Variants in TENM4 observed in about 807,000 individuals in gnomAD.
The protein encoded by TENM4 is teneurin transmembrane protein 4, also known as teneurin-4.
In TENM4, 82 loss-of-function variants were observed where a neutral mutation model predicts 243.3. That is an observed-to-expected ratio of 0.34 (90% CI 0.28 to 0.40). The LOEUF (loss-of-function observed/expected upper bound fraction) is 0.40. Among genes scored for constraint, TENM4 ranks in the 10% least tolerant of loss-of-function variants. The pLI, the probability that TENM4 is intolerant of heterozygous loss-of-function variation, is 1.00. For synonymous variants in TENM4, 1,412 were observed against 1,456.3 expected, an observed-to-expected ratio of 0.97 and a Z score of 0.69; for missense variants, 3,138 against 3,673.3, an observed-to-expected ratio of 0.85 and a Z score of 3.77.
intron 4 of TENM4, among the ~76,000 whole-genome samples, chr11:79,144,565 T>C (rs371035256): frequency 1.5e-4 from 23 of 152,176 alleles, no homozygotes; most frequent in African/African-American, 5.5e-4. Context: ...AAAGAAAATA[T>C]GGAACATATT....
intron 1 of TENM4, among the ~76,000 whole-genome samples, chr11:79,395,262 G>A (rs920067287): frequency 3.9e-5 from 6 of 152,094 alleles, no homozygotes; most frequent in East Asian, 1.9e-4. Context: ...TCAGCAAGAC[G>A]CCTCTGGAAA....
intron 25 of TENM4, 75 bp downstream of exon 25, chr11:78,720,295 T>C (rs1590965745): frequency 5.8e-6 from 9 of 1,540,736 alleles, no homozygotes; most frequent in East Asian, 2.2e-5. Flanking sequence ...CCATTTGAAA[T>C]TGACATGTGC....
chr11:79,237,245 T>C (rs1864494123), intron 2 of TENM4, among the ~76,000 whole-genome samples: 2 of 152,168 alleles, frequency 1.3e-5, no homozygotes, highest in African/African-American at 4.8e-5. Flanking sequence ...AAGACCTGTA[T>C]TAACTGGATG....
At chr11:79,355,361 C>T (rs531969598) in intron 1 of TENM4, among the ~76,000 whole-genome samples, 14 of 152,258 alleles carry the variant, frequency 9.2e-5, no homozygotes, top group African/African-American at 2.2e-4. Flanking sequence ...GGTAAAACCT[C>T]GTCTCTACTA....
At chr11:78,924,544 G>A (rs1856515762) in intron 6 of TENM4, 2 of 152,166 alleles carry the variant, frequency 1.3e-5, no homozygotes, top group African/African-American at 4.8e-5. Context: ...TCCTCCACTA[G>A]AAAATGAAGG....
chr11:79,289,520 T>A (rs933108930), intron 2 of TENM4, among the ~76,000 whole-genome samples: 2 of 152,244 alleles, frequency 1.3e-5, no homozygotes, highest in African/African-American at 4.8e-5. Context: ...TGGCTCAATG[T>A]GAGACATCTG....
At chr11:79,411,383 A>AG (rs1191867152) in intron 1 of TENM4, among the ~76,000 whole-genome samples, 3 of 152,228 alleles carry the variant, frequency 2.0e-5, no homozygotes, top group African/African-American at 7.2e-5. Flanking sequence ...AAACTCTTCC[A>AG]GGGGGTATTA....
chr11:79,308,744 C>T (rs1856668288), intron 1 of TENM4, among the ~76,000 whole-genome samples: 1 of 152,164 alleles, frequency 6.6e-6, no homozygotes, highest in African/African-American at 2.4e-5. Flanking sequence ...CCTCCCAGGC[C>T]ATGCCACCCA....
At chr11:79,043,076 C>A (rs1043968628) in intron 6 of TENM4, among the ~76,000 whole-genome samples, 1 of 152,206 alleles carries the variant, frequency 6.6e-6, no homozygotes, top group Non-Finnish European at 1.5e-5. Flanking sequence ...AATCCCACCC[C>A]ACTCTGGGAT....
chr11:78,964,897 G>T (rs1857406251), intron 6 of TENM4, among the ~76,000 whole-genome samples: 1 of 151,500 alleles, frequency 6.6e-6, no homozygotes, highest in Admixed American at 6.6e-5. Context: ...TTTTTGACAG[G>T]GTCTCTGTCA....
chr11:78,897,632 A>G (rs1591110250), intron 7 of TENM4, among the ~76,000 whole-genome samples: 2 of 152,288 alleles, frequency 1.3e-5, no homozygotes. Flanking sequence ...GTCCTCATTC[A>G]TTTACAGGTC....
intron 9 of TENM4, among the ~76,000 whole-genome samples, chr11:78,882,024 A>C (rs996794055): frequency 6.6e-6 from 1 of 152,210 alleles, no homozygotes; most frequent in African/African-American, 2.4e-5. Context: ...TCCTTCTAAA[A>C]GACCAAGTTC....
chr11:79,231,111 G>T (rs1864365062), intron 2 of TENM4, among the ~76,000 whole-genome samples: 1 of 152,064 alleles, frequency 6.6e-6, no homozygotes, highest in South Asian at 2.1e-4. Flanking sequence ...TAACATAAAA[G>T]AAAGAAAATA....
At chr11:79,048,580 A>G (rs1859718075) in intron 6 of TENM4, among the ~76,000 whole-genome samples, 1 of 151,898 alleles carries the variant, frequency 6.6e-6, no homozygotes, top group African/African-American at 2.4e-5. Flanking sequence ...TGCTGCAAAG[A>G]GTCTGTGATC....
intron 1 of TENM4, among the ~76,000 whole-genome samples, chr11:79,386,911 C>T (rs1360122077): frequency 1.3e-5 from 2 of 152,050 alleles, no homozygotes; most frequent in African/African-American, 2.4e-5. Flanking sequence ...CCAGAAACTC[C>T]ACCCCAAGAC....
At chr11:78,759,894 G>A (rs994246385) in intron 18 of TENM4, among the ~76,000 whole-genome samples, 5 of 152,182 alleles carry the variant, frequency 3.3e-5, no homozygotes, top group Non-Finnish European at 5.9e-5. Flanking sequence ...TCTTTCTGAG[G>A]CATATAATGT....
At chr11:79,332,253 C>T (rs1025831027) in intron 1 of TENM4, among the ~76,000 whole-genome samples, 2 of 152,130 alleles carry the variant, frequency 1.3e-5, no homozygotes, top group African/African-American at 2.4e-5. Context: ...ATTTCAGTCC[C>T]GCAGTGCAGG....
chr11:79,433,859 C>G (rs1252508234), intron 1 of TENM4, among the ~76,000 whole-genome samples: 1 of 152,190 alleles, frequency 6.6e-6, no homozygotes, highest in South Asian at 2.1e-4. Flanking sequence ...ATCAAAGCAG[C>G]ATCTAAACCG....
At chr11:78,818,212 C>T (rs1857650507) in intron 12 of TENM4, among the ~76,000 whole-genome samples, 1 of 152,142 alleles carries the variant, frequency 6.6e-6, no homozygotes, top group African/African-American at 2.4e-5. Flanking sequence ...AAGTATAGCT[C>T]CTAATAAAAT....
Sources: allele counts gnomAD v4.1 joint callset (sites outside exome capture counted in the v4.1 genomes callset), GRCh38; gene constraint gnomAD v4.1.1; transcripts MANE v1.5; gene names NCBI Gene and HGNC (gene_info 2026-07-23, HGNC 2026-07-21).